ESRRG: variants seen among roughly 807,000 people sequenced by gnomAD.
ESRRG encodes estrogen related receptor gamma.
Under a neutral mutation model 44.0 loss-of-function variants are expected in ESRRG, and 13 were observed. The observed-to-expected ratio is 0.30, with a 90% CI of 0.19 to 0.47. ESRRG has a LOEUF of 0.47. Among genes scored for constraint, ESRRG ranks in the 20% least tolerant of loss-of-function variants. The probability of loss-of-function intolerance (pLI) is 1.00; values close to 1 mark genes in which losing one functional copy is unlikely to be tolerated. For synonymous variants in ESRRG, 215 were observed against 214.6 expected (o/e 1.00, Z -0.02); for missense variants, 395 against 580.6 (o/e 0.68, Z 3.29).
intron 1 of ESRRG, among the ~76,000 whole-genome samples, chr1:216,688,365 A>G (rs1559232404): frequency 6.6e-6 from 1 of 152,214 alleles, no homozygotes; most frequent in Non-Finnish European, 1.5e-5. Flanking sequence ...AACAGAGGCA[A>G]GCTGCTGTCG....
At chr1:216,596,464 A>G (rs1444376455) in intron 3 of ESRRG, among the ~76,000 whole-genome samples, 1 of 152,176 alleles carries the variant, frequency 6.6e-6, no homozygotes, top group East Asian at 1.9e-4. Flanking sequence ...AAGGAAGTTA[A>G]AGCGGAGCCA....
At chr1:216,528,926 C>T (rs970667804) in intron 5 of ESRRG, among the ~76,000 whole-genome samples, 2 of 152,030 alleles carry the variant, frequency 1.3e-5, no homozygotes, top group Non-Finnish European at 2.9e-5. Context: ...ATTGCAGCAC[C>T]AAGGGAGTAA....
At chr1:216,789,800 A>G (rs12024556) in intron 2 of ESRRG, among the ~76,000 whole-genome samples, 13,441 of 152,158 alleles carry the variant, frequency 0.088, 839 homozygotes, top group African/African-American at 0.17. Flanking sequence ...ATAAAGCCTC[A>G]TATAGGAGAA....
In ESRRG at chr1:216,821,708, AT is replaced by A. The variant is rs71585813; in HGVS notation, c.-14+117873del. 3.6e-4 allele frequency among the ~76,000 whole-genome samples: 51 copies of A among 140,820 alleles called. 7 individuals are homozygous for A. Among genetic ancestry groups the A allele is most frequent in the African/African-American group, 5.2e-4 (20 of 38,148 alleles). 92.4% of individuals were successfully genotyped at this position (140,820 alleles called of 152,430 possible). A position where few individuals can be genotyped will look rare whatever the true frequency, so the allele number is the denominator to read the frequency against. On this transcript the variant is annotated intron_variant, in intron 2 of 7. Coordinates refer to the ESRRG transcript ENST00000359162. ...TCAGGAAAAATAAATAAATAAATAA[AT>A]AAATAAATAAATAAATAAATAAATA... is the stretch of plus-strand genomic sequence containing the variant.
At chr1:216,689,564 A>G (rs1326139783) in intron 1 of ESRRG, among the ~76,000 whole-genome samples, 1 of 152,058 alleles carries the variant, frequency 6.6e-6, no homozygotes, top group Admixed American at 6.6e-5. Flanking sequence ...TTAAAATCCA[A>G]AATTTTGGGA....
intron 1 of ESRRG, among the ~76,000 whole-genome samples, chr1:217,061,770 G>T (rs923581924): frequency 1.1e-4 from 17 of 152,112 alleles, no homozygotes; most frequent in South Asian, 2.1e-4. Context: ...CCTCTTCACT[G>T]TATCTATAAA....
upstream of ESRRG, among the ~76,000 whole-genome samples, chr1:217,091,107 C>G (rs1011348708): frequency 6.6e-6 from 1 of 152,134 alleles, no homozygotes; most frequent in Non-Finnish European, 1.5e-5. Flanking sequence ...GTATCTAGCA[C>G]CAGGTTTGGC....
intron 1 of ESRRG, among the ~76,000 whole-genome samples, chr1:217,005,328 G>A (rs2077581546): frequency 6.6e-6 from 1 of 152,150 alleles, no homozygotes; most frequent in African/African-American, 2.4e-5. Context: ...AGTGGCATAA[G>A]CTGGACAGTA....
At chr1:217,043,955 C>T (rs558439630) in intron 1 of ESRRG, among the ~76,000 whole-genome samples, 2 of 151,896 alleles carry the variant, frequency 1.3e-5, no homozygotes, top group African/African-American at 4.8e-5. Flanking sequence ...CAGATTTTAA[C>T]TTTACCTTTC....
chr1:216,983,382 C>T (rs990361075), intron 1 of ESRRG, among the ~76,000 whole-genome samples: 46 of 151,900 alleles, frequency 3.0e-4, no homozygotes, highest in African/African-American at 1.0e-3. Flanking sequence ...TAGGCATGCG[C>T]CACCACACCT....
At position 216,529,999 on chromosome 1, in the gene ESRRG, C is replaced by G. The variant is rs148447594; in HGVS notation, c.863-10578G>C. ...TAGTGGCATGGGTATGTATTCCCAG[C>G]TACTCAGGAGGCTGAGGCAGGAAAA... On this transcript the variant is annotated intron_variant, in intron 5 of 6. Coordinates refer to ENST00000408911, the MANE Select transcript of ESRRG (RefSeq NM_001438.4). Among the ~76,000 whole-genome samples the G allele has an allele frequency of 8.6e-5, 13 of 151,220 alleles. No homozygotes were observed. The East Asian group carries it at 2.2e-3, about 25-fold the overall frequency.
At chr1:216,744,701 T>A (rs1347598310) in intron 2 of ESRRG, among the ~76,000 whole-genome samples, 2 of 151,784 alleles carry the variant, frequency 1.3e-5, no homozygotes, top group Admixed American at 6.5e-5. Context: ...GTGTTACCTA[T>A]GAGTAGTCTC....
intron 3 of ESRRG, among the ~76,000 whole-genome samples, chr1:216,619,171 T>A (rs2061832921): frequency 6.6e-6 from 1 of 152,152 alleles, no homozygotes; most frequent in South Asian, 2.1e-4. Context: ...TATTGCACAG[T>A]TCTGGTGGTT....
At chr1:216,977,167 AT>A (rs1314046085) in intron 1 of ESRRG, among the ~76,000 whole-genome samples, 4 of 152,030 alleles carry the variant, frequency 2.6e-5, no homozygotes, top group Non-Finnish European at 2.9e-5. Context: ...TGGCTTAAAA[AT>A]TTTTTTAGCA....
At chr1:216,719,770 T>A (rs903535955) in intron 1 of ESRRG, among the ~76,000 whole-genome samples, 6 of 152,136 alleles carry the variant, frequency 3.9e-5, no homozygotes, top group Non-Finnish European at 8.8e-5. Context: ...CCACAAGGGC[T>A]TTGCTAATAA....
Position 217,108,172 on chromosome 1 carries a change from C to T in ESRRG, c.-230+29495G>A, listed in dbSNP as rs934854509. ...TGCCAAAAGAGACCAAATACAGTTG[C>T]CACTTGCTGAAACATTTGATTCTGT... On this transcript the variant is annotated intron_variant, in intron 1 of 8. Transcript: ENST00000366940. Among the ~76,000 whole-genome samples, 5 of 152,290 alleles carry T rather than the reference C, an allele frequency of 3.3e-5. No individual in the cohort carries two copies. The East Asian group carries it at 7.7e-4, about 24-fold the overall frequency.
intron 1 of ESRRG, among the ~76,000 whole-genome samples, chr1:217,100,109 A>C (rs1249438389): frequency 6.6e-6 from 1 of 152,192 alleles, no homozygotes; most frequent in African/African-American, 2.4e-5. Flanking sequence ...TGGGGAAGCT[A>C]TGTAATTACT....
intron 1 of ESRRG, among the ~76,000 whole-genome samples, chr1:217,056,499 A>G (rs1356399088): frequency 6.6e-6 from 1 of 151,952 alleles, no homozygotes; most frequent in African/African-American, 2.4e-5. Context: ...AGTTGTCTAG[A>G]ACATGGTGCC....
At chr1:216,575,342 T>C (rs1558590648) in intron 3 of ESRRG, among the ~76,000 whole-genome samples, 1 of 152,152 alleles carries the variant, frequency 6.6e-6, no homozygotes, top group Non-Finnish European at 1.5e-5. Flanking sequence ...TTGTTAAATA[T>C]GGTTCATTAT....
Sources: allele counts gnomAD v4.1 joint callset (sites outside exome capture counted in the v4.1 genomes callset), GRCh38; gene constraint gnomAD v4.1.1; transcripts MANE v1.5; gene names NCBI Gene and HGNC (gene_info 2026-07-23, HGNC 2026-07-21).